KLHDC10: variants seen among roughly 807,000 people sequenced by gnomAD.
The protein encoded by KLHDC10 is kelch domain-containing protein 10.
A neutral mutation model predicts 56.1 loss-of-function variants in KLHDC10; 24 were observed. That is an observed-to-expected ratio of 0.43 (90% CI 0.31 to 0.60). The LOEUF (loss-of-function observed/expected upper bound fraction) is 0.60. KLHDC10 is among the 20% of genes least tolerant of loss of function. KLHDC10 has a pLI of 0.11. For missense variants in KLHDC10, 349 were observed against 567.0 expected, an observed-to-expected ratio of 0.62 and a Z score of 3.91; for synonymous variants, 188 against 207.1, an observed-to-expected ratio of 0.91 and a Z score of 0.79.
chr7:130,074,820 A>G (rs548678761), intron 1 of KLHDC10, among the ~76,000 whole-genome samples: 58 of 152,222 alleles, frequency 3.8e-4, no homozygotes, highest in African/African-American at 1.4e-3. Flanking sequence ...CATGTTGGCC[A>G]GGCTGGTCTC....
intron 5 of KLHDC10, among the ~76,000 whole-genome samples, chr7:130,122,644 G>T (rs951951103): frequency 3.3e-5 from 5 of 152,070 alleles, no homozygotes; most frequent in Admixed American, 1.3e-4. Context: ...TGACCTCCTG[G>T]GCTCAAGGCA....
intron 5 of KLHDC10, among the ~76,000 whole-genome samples, chr7:130,123,505 T>C (rs1796278406): frequency 2.0e-5 from 3 of 151,456 alleles, no homozygotes; most frequent in Admixed American, 2.0e-4. Flanking sequence ...CTCACTGAAA[T>C]ACTTGAAGAG....
intron 8 of KLHDC10, among the ~76,000 whole-genome samples, chr7:130,128,917 T>TATAC (rs1264305488): frequency 1.9e-4 from 24 of 124,758 alleles, no homozygotes; most frequent in Non-Finnish European, 2.6e-4. Flanking sequence ...TATATATATA[T>TATAC]ATACATACTA....
At chr7:130,101,925 A>G (rs4731654) in intron 2 of KLHDC10, among the ~76,000 whole-genome samples, 19,856 of 144,692 alleles carry the variant, frequency 0.14, 1,524 homozygotes, top group East Asian at 0.33. Context: ...AGCCAAGATC[A>G]TGCCACTGCA....
intron 2 of KLHDC10, among the ~76,000 whole-genome samples, chr7:130,111,800 G>A (rs1047825442): frequency 1.3e-5 from 2 of 152,104 alleles, no homozygotes; most frequent in Non-Finnish European, 2.9e-5. Context: ...GAGATGATCC[G>A]GCAGTTCCAA....
chr7:130,103,165 C>T (rs946915291), intron 2 of KLHDC10, among the ~76,000 whole-genome samples: 1 of 152,056 alleles, frequency 6.6e-6, no homozygotes, highest in South Asian at 2.1e-4. Context: ...GTGGCTCACA[C>T]CTGTAATCCC....
intron 2 of KLHDC10, among the ~76,000 whole-genome samples, chr7:130,102,095 A>C (rs554140367): frequency 1.9e-4 from 29 of 152,160 alleles, no homozygotes; most frequent in East Asian, 3.9e-4. Context: ...GAGGAGCTCT[A>C]TCAAGGATCC....
Position 130,078,657 on chromosome 7 carries a change from G to A in KLHDC10, c.166+7848G>A, listed in dbSNP as rs530051342. Among the ~76,000 whole-genome samples, 218 of 151,840 alleles carry A rather than the reference G, an allele frequency of 1.4e-3. 1 individual carries two copies. The highest frequency in any genetic ancestry group is 5.0e-3 in the African/African-American group (209 of 41,474). On this transcript the variant is annotated intron_variant, in intron 1 of 9. Coordinates refer to ENST00000335420, the MANE Select transcript of KLHDC10 (RefSeq NM_014997.4). ...CCTCAGCCTCCCGACTAGCTGAGAC[G>A]ACAGGCGCGTGCCACTACACCCGGC...
In KLHDC10 at chr7:130,129,682, A is replaced by G. The variant is rs893111313; in HGVS notation, c.1119+106A>G. 15 of 1,005,274 alleles carry G rather than the reference A, an allele frequency of 1.5e-5. No homozygotes were observed. In the African/African-American group the frequency reaches 2.3e-4, roughly 15 times the overall value. 62.3% of individuals were successfully genotyped at this position (1,005,274 alleles called of 1,614,324 possible). The stretch of plus-strand genomic sequence containing the variant: ...GCCAGATATAGGCAAACCTTAGATG[A>G]TTAATAACATATTTTTAAAACTTCC... On this transcript the variant is annotated intron_variant, in intron 9 of 9. Transcript: ENST00000335420.
intron 1 of KLHDC10, among the ~76,000 whole-genome samples, chr7:130,081,144 G>A (rs565016265): frequency 1.6e-3 from 234 of 149,850 alleles, no homozygotes; most frequent in Non-Finnish European, 2.8e-3. Context: ...GAATATAGGC[G>A]CCCGCCACTA....
intron 8 of KLHDC10, among the ~76,000 whole-genome samples, 172 bp from the exon 9 acceptor site, chr7:130,129,265 C>A (rs573859858): frequency 1.3e-5 from 2 of 152,268 alleles, no homozygotes; most frequent in Admixed American, 1.3e-4. Flanking sequence ...CATCTCAGTT[C>A]TGTTGAGGGA....
intron 2 of KLHDC10, among the ~76,000 whole-genome samples, chr7:130,102,685 G>T (rs902569176): frequency 3.3e-5 from 5 of 152,100 alleles, no homozygotes; most frequent in African/African-American, 1.2e-4. Flanking sequence ...AGTTAGCTGG[G>T]TATGGTGGCA....
intron 2 of KLHDC10, among the ~76,000 whole-genome samples, chr7:130,106,147 A>AAAAT (rs10624813): frequency 0.15 from 22,290 of 151,858 alleles, 1,922 homozygotes; most frequent in East Asian, 0.31. Context: ...ACTCCGTCTC[A>AAAAT]AAATAAATAA....
intron 2 of KLHDC10, among the ~76,000 whole-genome samples, chr7:130,101,423 CTCTTT>C (rs567733884): frequency 2.8e-4 from 42 of 152,232 alleles, no homozygotes; most frequent in African/African-American, 9.4e-4. Context: ...CTTAGTAGGG[CTCTTT>C]TCTTAAACTC....
intron 2 of KLHDC10, among the ~76,000 whole-genome samples, chr7:130,113,881 T>G (rs984528714): frequency 1.3e-5 from 2 of 152,184 alleles, no homozygotes; most frequent in African/African-American, 4.8e-5. Flanking sequence ...ATGACAGAGA[T>G]TTTTAGAGTT....
chr7:130,090,767 CGTGT>C lies in KLHDC10; in HGVS notation c.167-6129_167-6126del, dbSNP rs57061414. Among the ~76,000 whole-genome samples the C allele has an allele frequency of 1.3e-3, 188 of 148,234 alleles. 1 individual carries two copies. The East Asian group carries it at 0.014, about 11-fold the overall frequency. The stretch of plus-strand genomic sequence containing the variant: ...AGATTTCATCAGTTTTACACATACT[CGTGT>C]GTGTGTGTGTGTGTGTGTGTGTGTA... On this transcript the variant is annotated intron_variant, in intron 1 of 9. Coordinates refer to ENST00000335420, the MANE Select transcript of KLHDC10 (RefSeq NM_014997.4).
intron 4 of KLHDC10, among the ~76,000 whole-genome samples, chr7:130,121,388 T>C (rs1305067398): frequency 2.6e-5 from 4 of 152,230 alleles, no homozygotes; most frequent in Non-Finnish European, 5.9e-5. Context: ...TGAAAAGTTA[T>C]ATCCAGAAAG....
In KLHDC10 at chr7:130,124,522, A is replaced by T. The variant is rs758680759; in HGVS notation, c.851A>T (p.Tyr284Phe). 1 of 1,573,610 alleles carries T rather than the reference A, an allele frequency of 6.4e-7. No individual in the cohort carries two copies. Among genetic ancestry groups the T allele is most frequent in the Admixed American group, 1.7e-5 (1 of 59,850 alleles). Reference sequence around the variant, plus strand: ...GGAGGTGGTACTTCCTGGACAGCATATTCCTTAAACAAGGTATATTTTTTT... The same window carrying T: ...GGAGGTGGTACTTCCTGGACAGCATTTTCCTTAAACAAGGTATATTTTTTT... ...ILGGGTSWTA[Y>F]SLNKIHAYNL... The change falls in exon 6 of 10, where the codon TAT becomes TTT. Residue 284 changes from tyrosine (Y) to phenylalanine (F), a missense_variant. Physicochemically the swap from Tyr to Phe is conservative, Grantham distance 22. Coordinates refer to ENST00000335420, the MANE Select transcript of KLHDC10 (RefSeq NM_014997.4).
chr7:130,113,541 C>G lies in KLHDC10; in HGVS notation c.254-2904C>G, dbSNP rs150552997. ...AGAGACGGGGTTTCACCATGTTGACCAGGCTGGTCTCAAAATCCTGACCTC... is the reference window on the plus strand; with the variant it reads ...AGAGACGGGGTTTCACCATGTTGACGAGGCTGGTCTCAAAATCCTGACCTC... On this transcript the variant is annotated intron_variant, in intron 2 of 9. Coordinates refer to ENST00000335420, the MANE Select transcript of KLHDC10 (RefSeq NM_014997.4). 2.1e-3 allele frequency among the ~76,000 whole-genome samples: 320 copies of G among 152,220 alleles called. 6 individuals carry two copies. The East Asian group carries it at 0.055, about 26-fold the overall frequency.
Sources: allele counts gnomAD v4.1 joint callset (sites outside exome capture counted in the v4.1 genomes callset), GRCh38; gene constraint gnomAD v4.1.1; transcripts MANE v1.5; gene names NCBI Gene and HGNC (gene_info 2026-07-23, HGNC 2026-07-21).